The following PARP8 variants were observed in gnomAD, a reference collection of about 807,000 sequenced individuals.
The protein encoded by PARP8 is poly(ADP-ribose) polymerase family member 8.
A neutral mutation model predicts 124.1 loss-of-function variants in PARP8; 51 were observed. The observed-to-expected ratio is 0.41, with a 90% CI of 0.33 to 0.52. The LOEUF (loss-of-function observed/expected upper bound fraction) is 0.52, where lower values mean the gene tolerates loss of function less well. Among genes scored for constraint, PARP8 ranks in the 20% least tolerant of loss-of-function variants. The probability of loss-of-function intolerance (pLI) is 0.21; values close to 1 mark genes in which losing one functional copy is unlikely to be tolerated. For synonymous variants in PARP8, 391 were observed against 361.5 expected (o/e 1.08, Z -0.93); for missense variants, 860 against 1,018.9 (o/e 0.84, Z 2.12).
chr5:50,706,779 G>T (rs1754194584), intron 2 of PARP8, among the ~76,000 whole-genome samples: 1 of 152,092 alleles, frequency 6.6e-6, no homozygotes, highest in African/African-American at 2.4e-5. Flanking sequence ...GTAATAATAA[G>T]AAGAAAGAGA....
Position 50,763,215 on chromosome 5 carries a change from T to C in PARP8, c.491T>C (p.Ile164Thr), listed in dbSNP as rs772211703. 1.2e-6 allele frequency: 2 copies of C among 1,612,770 alleles called. No individual in the cohort carries two copies. Among genetic ancestry groups the C allele is most frequent in the Non-Finnish European group, 1.7e-6 (2 of 1,178,782 alleles). The part of the protein sequence containing the change: ...LEADLSAVRE[I>T]YGPHAVSLRE... ...GCTGATTTGTCAGCAGTTAGAGAGA[T>C]ATATGGGCCACATGCAGTTTCTCTC... The change falls in exon 7 of 26, where the codon ATA becomes ACA. Residue 164 changes from isoleucine (I) to threonine (T), a missense_variant. Physicochemically the swap from Ile to Thr is moderately conservative, Grantham distance 89. Coordinates refer to ENST00000281631, the MANE Select transcript of PARP8 (RefSeq NM_024615.4).
chr5:50,821,174 A>G, intron 15 of PARP8, 39 bp from the exon 16 acceptor site: 1 of 1,611,900 alleles, frequency 6.2e-7, no homozygotes, highest in Non-Finnish European at 8.5e-7. Flanking sequence ...ACTGGATAAA[A>G]CCTGAAGGGT....
intron 14 of PARP8, among the ~76,000 whole-genome samples, chr5:50,814,160 G>A (rs192806260): frequency 2.6e-4 from 40 of 152,114 alleles, no homozygotes; most frequent in Admixed American, 5.9e-4. Context: ...TGACACTATC[G>A]TAAATATGCA....
intron 1 of PARP8, chr5:50,667,547 C>T: frequency 1.4e-6 from 1 of 700,094 alleles, no homozygotes; most frequent in Non-Finnish European, 2.6e-6. Flanking sequence ...TTGGTTTGCG[C>T]AATGGGCTGA....
intron 18 of PARP8, among the ~76,000 whole-genome samples, chr5:50,825,242 T>C (rs1746214660): frequency 1.3e-5 from 2 of 152,180 alleles, no homozygotes; most frequent in South Asian, 2.1e-4. Context: ...AGTTTGCCTA[T>C]AGTTTTAAAA....
intron 2 of PARP8, among the ~76,000 whole-genome samples, chr5:50,738,360 T>C (rs1372225643): frequency 2.6e-5 from 4 of 152,326 alleles, no homozygotes; most frequent in Admixed American, 2.6e-4. Flanking sequence ...ATTACAATTG[T>C]TTTTAGATCA....
rs77824773 is a variant in PARP8, at chr5:50,785,370, A to G, written c.671-3153A>G. 7.5e-3 allele frequency among the ~76,000 whole-genome samples: 1,142 copies of G among 152,168 alleles called. 15 individuals are homozygous for G. Among genetic ancestry groups the G allele is most frequent in the African/African-American group, 0.026 (1,071 of 41,534 alleles). The stretch of plus-strand genomic sequence containing the variant: ...ATAACCCTTCTTTCTCTCTTTCTAC[A>G]TATGTATCATACGCAGTTTTCTCCG... On this transcript the variant is annotated intron_variant, in intron 9 of 25. Coordinates refer to ENST00000281631, the MANE Select transcript of PARP8 (RefSeq NM_024615.4).
intron 14 of PARP8, among the ~76,000 whole-genome samples, chr5:50,800,488 T>G (rs916994369): frequency 6.6e-6 from 1 of 152,148 alleles, no homozygotes; most frequent in African/African-American, 2.4e-5. Context: ...GAAAAGAAAT[T>G]TTTATCTTGT....
At chr5:50,819,290 T>C (rs1436850786) in intron 15 of PARP8, among the ~76,000 whole-genome samples, 1 of 152,132 alleles carries the variant, frequency 6.6e-6, no homozygotes, top group Admixed American at 6.6e-5. Context: ...GTAAAAATAT[T>C]GGTCAAAAAT....
intron 14 of PARP8, among the ~76,000 whole-genome samples, chr5:50,814,686 G>T (rs575654365): frequency 2.6e-5 from 4 of 152,104 alleles, no homozygotes; most frequent in Non-Finnish European, 5.9e-5. Flanking sequence ...AGAAGTAAGC[G>T]TAGGAGCAGT....
chr5:50,835,604 T>C (rs574328989), intron 25 of PARP8, among the ~76,000 whole-genome samples: 157 of 152,308 alleles, frequency 1.0e-3, no homozygotes, highest in African/African-American at 3.6e-3. Flanking sequence ...TGTATGTATA[T>C]ATGTATACAT....
intron 2 of PARP8, among the ~76,000 whole-genome samples, chr5:50,671,741 A>G (rs1221636743): frequency 6.6e-6 from 1 of 152,168 alleles, no homozygotes; most frequent in Non-Finnish European, 1.5e-5. Flanking sequence ...AAAAGACATG[A>G]GACTAAAGAA....
chr5:50,727,492 A>G (rs183121729), intron 2 of PARP8, among the ~76,000 whole-genome samples: 37 of 152,246 alleles, frequency 2.4e-4, no homozygotes, highest in African/African-American at 7.9e-4. Flanking sequence ...CGTGTGGACT[A>G]TATTGTTCAA....
chr5:50,737,608 A>G (rs1757600652), intron 2 of PARP8, among the ~76,000 whole-genome samples: 2 of 152,214 alleles, frequency 1.3e-5, no homozygotes, highest in South Asian at 2.1e-4. Flanking sequence ...AATAGCCACA[A>G]TTGAATGTCC....
At chr5:50,762,585 G>A (rs1424183014) in intron 6 of PARP8, among the ~76,000 whole-genome samples, 11 of 152,070 alleles carry the variant, frequency 7.2e-5, no homozygotes, top group African/African-American at 1.2e-4. Flanking sequence ...AAAGAAGGAC[G>A]TTAAAGCCAA....
intron 2 of PARP8, among the ~76,000 whole-genome samples, chr5:50,673,935 G>A (rs1489615297): frequency 6.6e-6 from 1 of 152,216 alleles, no homozygotes; most frequent in East Asian, 1.9e-4. Context: ...TGGGTAGATT[G>A]TGCTGTAGAA....
At chr5:50,739,563 GAGGTTTATATTGTAA>G (rs1757814950) in intron 2 of PARP8, among the ~76,000 whole-genome samples, 1 of 151,530 alleles carries the variant, frequency 6.6e-6, no homozygotes, top group Non-Finnish European at 1.5e-5. Flanking sequence ...TTAATTTTCT[GAGGTTTATATTGTAA>G]AGGCAAAATT....
chr5:50,794,753 G>A, intron 11 of PARP8, 100 bp from the exon 12 acceptor site: 1 of 1,060,776 alleles, frequency 9.4e-7, no homozygotes, highest in Non-Finnish European at 1.4e-6. Context: ...TGAGGTGGTA[G>A]AATATTTATT....
chr5:50,778,353 A>G (rs1740272495), intron 8 of PARP8, among the ~76,000 whole-genome samples: 2 of 152,184 alleles, frequency 1.3e-5, no homozygotes, highest in Non-Finnish European at 2.9e-5. Context: ...ATGGGCTTTT[A>G]CAATACTTCG....
Sources: gnomAD v4.1 joint callset for allele counts (sites outside exome capture counted in the v4.1 genomes callset) on GRCh38, gnomAD v4.1.1 for gene constraint, MANE v1.5 for transcripts, NCBI Gene and HGNC (gene_info 2026-07-23, HGNC 2026-07-21) for gene names.